ARID1B: variants seen among roughly 807,000 people sequenced by gnomAD.
ARID1B encodes AT-rich interaction domain 1B.
In ARID1B, 30 loss-of-function variants were observed where a neutral mutation model predicts 212.3. That is an observed-to-expected ratio of 0.14 (90% CI 0.11 to 0.19). The LOEUF (loss-of-function observed/expected upper bound fraction) is 0.19, where lower values mean the gene tolerates loss of function less well. Ranked by LOEUF, ARID1B falls within the 10% of genes least tolerant of loss-of-function variation. The pLI, the probability that ARID1B is intolerant of heterozygous loss-of-function variation, is 1.00. For missense variants in ARID1B, 2,891 were observed against 3,204.0 expected, an observed-to-expected ratio of 0.90 and a Z score of 2.36; for synonymous variants, 1,402 against 1,301.7, an observed-to-expected ratio of 1.08 and a Z score of -1.66.
intron 8 of ARID1B, among the ~76,000 whole-genome samples, chr6:157,156,900 G>A (rs1365473414): frequency 4.6e-5 from 7 of 152,188 alleles, no homozygotes; most frequent in Non-Finnish European, 8.8e-5. Context: ...CACAGGGCTC[G>A]CACTGGGAGC....
chr6:156,804,200 G>C (rs769730749), intron 1 of ARID1B, among the ~76,000 whole-genome samples: 5 of 152,012 alleles, frequency 3.3e-5, no homozygotes, highest in African/African-American at 4.8e-5. Context: ...AGCTGGGTGT[G>C]GTGGTGCACG....
Position 157,209,029 on chromosome 6 carries a change from A to G in ARID1B, c.*1138A>G. ...GAAAATGGTTACCAGTACAGTCAAAAAAGAGAAAATGAAAAAAATACAACT... is the reference window on the plus strand; with the variant it reads ...GAAAATGGTTACCAGTACAGTCAAAGAAGAGAAAATGAAAAAAATACAACT... On this transcript the variant is annotated 3_prime_UTR_variant, in exon 20 of 20. Coordinates refer to ENST00000636930, the MANE Select transcript of ARID1B (RefSeq NM_001374828.1). 4.3e-6 allele frequency: 1 copy of G among 230,824 alleles called. No individual in the cohort carries two copies. The highest frequency in any genetic ancestry group is 8.6e-6 in the Non-Finnish European group (1 of 116,554). The allele number at this position is 230,824 out of a possible 1,614,324, so 14.3% of individuals were successfully genotyped here.
At chr6:156,915,823 G>A (rs570202388) in intron 3 of ARID1B, among the ~76,000 whole-genome samples, 6 of 151,672 alleles carry the variant, frequency 4.0e-5, no homozygotes, top group African/African-American at 1.5e-4. Context: ...TTGAACCTGG[G>A]AGGCAGAGGT....
At chr6:156,969,483 C>T (rs1426411889) in intron 4 of ARID1B, among the ~76,000 whole-genome samples, 2 of 152,196 alleles carry the variant, frequency 1.3e-5, no homozygotes, top group African/African-American at 4.8e-5. Context: ...CACAGCAGAA[C>T]TCACTGTTTA....
In ARID1B at chr6:157,084,786, C is replaced by T. The variant is rs2128462783; in HGVS notation, c.2372C>T (p.Ser791Phe). 1 of 1,614,152 alleles carries T rather than the reference C, an allele frequency of 6.2e-7. No individual in the cohort carries two copies. The highest frequency in any genetic ancestry group is 8.5e-7 in the Non-Finnish European group (1 of 1,179,982). Reference sequence around the variant, plus strand: ...AGCAACCCGGCGCAGTCGCCTTTCTCCCCACATGCGTCCCCTCATCTCTCC... The same window carrying T: ...AGCAACCCGGCGCAGTCGCCTTTCTTCCCACATGCGTCCCCTCATCTCTCC... ...DQSNPAQSPF[S>F]PHASPHLSSI... The change falls in exon 5 of 20, where the codon TCC (serine) becomes TTC (phenylalanine). Residue 791 changes from serine to phenylalanine, a missense_variant. By Grantham distance (155) the Ser-to-Phe change is radical (BLOSUM62 -2). Transcript: ENST00000636930.
intron 5 of ARID1B, among the ~76,000 whole-genome samples, chr6:157,098,288 G>A (rs926996437): frequency 7.2e-5 from 11 of 152,140 alleles, no homozygotes; most frequent in African/African-American, 2.7e-4. Context: ...CTGGTGTTCT[G>A]CCTGAGGAAA....
intron 4 of ARID1B, among the ~76,000 whole-genome samples, chr6:156,949,588 A>C (rs1314698945): frequency 6.6e-6 from 1 of 152,012 alleles, no homozygotes; most frequent in Non-Finnish European, 1.5e-5. Flanking sequence ...CAGGCGGCTG[A>C]CTCTTGTCTA....
At chr6:156,966,386 CTTTTT>C (rs1214987532) in intron 4 of ARID1B, among the ~76,000 whole-genome samples, 2 of 38,930 alleles carry the variant, frequency 5.1e-5, no homozygotes, top group Non-Finnish European at 1.1e-4. Context: ...CTTTTCTTTT[CTTTTT>C]TTTTTTTTTT....
intron 1 of ARID1B, among the ~76,000 whole-genome samples, chr6:156,784,759 G>T (rs570805505): frequency 1.3e-4 from 20 of 151,984 alleles, no homozygotes; most frequent in Non-Finnish European, 2.8e-4. Context: ...CTTACATTTA[G>T]TTATTTGTTT....
chr6:157,146,619 C>A (rs1288595982), intron 7 of ARID1B, among the ~76,000 whole-genome samples: 1 of 152,198 alleles, frequency 6.6e-6, no homozygotes, highest in Admixed American at 6.5e-5. Flanking sequence ...TGCACACACA[C>A]ACACATGCAT....
At chr6:157,059,343 G>C (rs1315740488) in intron 4 of ARID1B, among the ~76,000 whole-genome samples, 1 of 152,170 alleles carries the variant, frequency 6.6e-6, no homozygotes, top group African/African-American at 2.4e-5. Flanking sequence ...TACAGAATCA[G>C]CTAAGCCCTT....
intron 3 of ARID1B, among the ~76,000 whole-genome samples, chr6:156,916,001 A>G (rs1003858396): frequency 2.0e-5 from 3 of 148,752 alleles, no homozygotes; most frequent in Admixed American, 6.7e-5. Context: ...ACATTTTAAT[A>G]TATATTTTCC....
chr6:156,871,635 A>G (rs756517736), intron 2 of ARID1B: 2 of 1,612,776 alleles, frequency 1.2e-6, no homozygotes, highest in South Asian at 2.2e-5. Flanking sequence ...TGCCACATGG[A>G]AAGAAACATT....
chr6:156,904,488 A>G (rs1227025935), intron 3 of ARID1B, among the ~76,000 whole-genome samples: 1 of 152,264 alleles, frequency 6.6e-6, no homozygotes, highest in East Asian at 1.9e-4. Context: ...TATCTGCAGG[A>G]TGAATTCTGG....
At chr6:156,829,166 A>G in intron 1 of ARID1B, 61 bp from the exon 2 acceptor site, 2 of 1,421,228 alleles carry the variant, frequency 1.4e-6, no homozygotes, top group Non-Finnish European at 1.9e-6. Context: ...GACATAACAC[A>G]AATTTGTGCC....
rs1779118895 is a variant in ARID1B, at chr6:157,004,890, C to CTTTTTTGT, written c.2247+69320_2247+69321insGTTTTTTT. ...GCATTTCTTTTTTCTTTTTCTTCTT[C>CTTTTTTGT]TTTTTTCTTTTTTTTTTTTTTTTTT... is the stretch of plus-strand genomic sequence containing the variant. On this transcript the variant is annotated intron_variant, in intron 4 of 19. Coordinates refer to ENST00000636930, the MANE Select transcript of ARID1B (RefSeq NM_001374828.1). 1.2e-3 allele frequency among the ~76,000 whole-genome samples: 42 copies of CTTTTTTGT among 35,692 alleles called. 10 individuals are homozygous for CTTTTTTGT. The highest frequency in any genetic ancestry group is 1.4e-3 in the African/African-American group (21 of 15,398). The allele number at this position is 35,692 out of a possible 152,430, so 23.4% of individuals were successfully genotyped here.
At chr6:156,783,809 C>A (rs1235518607) in intron 1 of ARID1B, among the ~76,000 whole-genome samples, 1 of 150,914 alleles carries the variant, frequency 6.6e-6, no homozygotes, top group Non-Finnish European at 1.5e-5. Context: ...GCTTTTCTTG[C>A]AGCTCTACAC....
At chr6:156,813,033 T>C (rs1346535512) in intron 1 of ARID1B, among the ~76,000 whole-genome samples, 1 of 52,176 alleles carries the variant, frequency 1.9e-5, no homozygotes, top group African/African-American at 4.0e-5. Context: ...TGTATATACA[T>C]ATATATATAC....
At chr6:156,933,036 C>G (rs1231806958) in intron 3 of ARID1B, among the ~76,000 whole-genome samples, 1 of 152,108 alleles carries the variant, frequency 6.6e-6, no homozygotes, top group Non-Finnish European at 1.5e-5. Context: ...TTTCTGATAG[C>G]TTTCATAGTC....
Sources: gnomAD v4.1 joint callset for allele counts (sites outside exome capture counted in the v4.1 genomes callset) on GRCh38, gnomAD v4.1.1 for gene constraint, MANE v1.5 for transcripts, NCBI Gene and HGNC (gene_info 2026-07-23, HGNC 2026-07-21) for gene names.